The following KATNAL1 variants were observed in gnomAD, a reference collection of about 807,000 sequenced individuals.
KATNAL1 encodes the protein katanin catalytic subunit A1 like 1.
KATNAL1 carries 32 observed loss-of-function variants against 55.2 expected under a neutral mutation model. That is an observed-to-expected ratio of 0.58 (90% CI 0.44 to 0.78). The LOEUF (loss-of-function observed/expected upper bound fraction) is 0.78, where lower values mean the gene tolerates loss of function less well. Among genes scored for constraint, KATNAL1 ranks in the 30% least tolerant of loss-of-function variants. The pLI is 0.00. For synonymous variants in KATNAL1, 193 were observed against 193.6 expected (o/e 1.00, Z 0.02); for missense variants, 466 against 600.9 (o/e 0.78, Z 2.35).
chr13:30,228,829 T>C (rs1426405003), intron 8 of KATNAL1, among the ~76,000 whole-genome samples: 2 of 152,262 alleles, frequency 1.3e-5, no homozygotes, highest in East Asian at 3.8e-4. Context: ...TACAGCTCGC[T>C]GTGGCCTCAA....
At chr13:30,213,768 G>A (rs973019402) in intron 9 of KATNAL1, among the ~76,000 whole-genome samples, 64 of 152,126 alleles carry the variant, frequency 4.2e-4, no homozygotes, top group African/African-American at 1.4e-3. Flanking sequence ...TTGATGGGAC[G>A]TATCTCAAAA....
rs1018013327 is a variant in KATNAL1 at position 30,204,628 on chromosome 13, T to C, written c.*3912A>G. The C allele has an allele frequency of 3.9e-5, 6 of 152,212 alleles. No individual in the cohort carries two copies. Among genetic ancestry groups the C allele is most frequent in the African/African-American group, 1.4e-4 (6 of 41,456 alleles). 9.4% of individuals were successfully genotyped at this position (152,212 alleles called of 1,614,324 possible). On this transcript the variant is annotated 3_prime_UTR_variant, in exon 11 of 11. Coordinates refer to ENST00000380615, the MANE Select transcript of KATNAL1 (RefSeq NM_032116.5). ...ACAAAACAAAGTCAAAGAATGACAA[T>C]CATACTGTAAATTTGGGTTGTACAC...
At chr13:30,229,501 T>C (rs1250349636) in intron 8 of KATNAL1, among the ~76,000 whole-genome samples, 1 of 152,074 alleles carries the variant, frequency 6.6e-6, no homozygotes, top group Non-Finnish European at 1.5e-5. Context: ...CAGAGGATCA[T>C]CTCAGCTCAA....
At chr13:30,224,072 C>T (rs1017095052) in intron 9 of KATNAL1, among the ~76,000 whole-genome samples, 4 of 152,040 alleles carry the variant, frequency 2.6e-5, no homozygotes, top group Admixed American at 6.6e-5. Flanking sequence ...AATTATTTGG[C>T]TCCCAAACCA....
chr13:30,238,012 A>G (rs769263075), intron 6 of KATNAL1, among the ~76,000 whole-genome samples: 14 of 152,186 alleles, frequency 9.2e-5, no homozygotes, highest in Admixed American at 3.9e-4. Context: ...TTGAATTTTA[A>G]GCCTAAACTA....
intron 10 of KATNAL1, among the ~76,000 whole-genome samples, chr13:30,209,312 A>C (rs577764756): frequency 6.6e-6 from 1 of 152,344 alleles, no homozygotes; most frequent in East Asian, 1.9e-4. Context: ...GTCTGGAAGA[A>C]AAGGATAATT....
chr13:30,303,308 T>C (rs1882977495), intron 1 of KATNAL1, among the ~76,000 whole-genome samples: 1 of 152,270 alleles, frequency 6.6e-6, no homozygotes, highest in Non-Finnish European at 1.5e-5. Flanking sequence ...TGAATTTATC[T>C]GGCAAATGCC....
chr13:30,253,083 G>A (rs1306697714), intron 4 of KATNAL1, among the ~76,000 whole-genome samples: 2 of 152,154 alleles, frequency 1.3e-5, no homozygotes, highest in Non-Finnish European at 2.9e-5. Flanking sequence ...TAGCAGAAGT[G>A]GGTATCTATT....
chr13:30,281,122 C>CAAA (rs1263107106), intron 2 of KATNAL1, among the ~76,000 whole-genome samples: 13,295 of 59,002 alleles, frequency 0.23, 1,090 homozygotes, highest in African/African-American at 0.32. Context: ...GAATCCATGT[C>CAAA]AAAAAAAAAA....
intron 3 of KATNAL1, among the ~76,000 whole-genome samples, chr13:30,265,930 T>C (rs1842782645): frequency 6.8e-6 from 1 of 147,550 alleles, no homozygotes; most frequent in African/African-American, 2.5e-5. Context: ...GAGAATTGCT[T>C]GAACCCAGGA....
intron 3 of KATNAL1, among the ~76,000 whole-genome samples, chr13:30,258,536 T>C (rs1413221154): frequency 6.6e-6 from 1 of 152,216 alleles, no homozygotes; most frequent in Non-Finnish European, 1.5e-5. Context: ...CTTAATGGTA[T>C]CTTTCTTGAT....
chr13:30,206,302 T>TAAAAC lies in KATNAL1; in HGVS notation c.*2237_*2238insGTTTT, dbSNP rs1278181308. On this transcript the variant is annotated 3_prime_UTR_variant, in exon 11 of 11. Transcript: ENST00000380615. ...TCTCAAAATAAATAAATAAATAAAA[T>TAAAAC]AAAATAAAATAAAAGTTAAATAGAA... is the stretch of plus-strand genomic sequence containing the variant. 2 of 151,264 alleles carry TAAAAC rather than the reference T, an allele frequency of 1.3e-5. No individual in the cohort carries two copies. The highest frequency in any genetic ancestry group is 2.9e-5 in the Non-Finnish European group (2 of 67,822). The allele number at this position is 151,264 out of a possible 1,614,324, so 9.4% of individuals were successfully genotyped here.
At chr13:30,259,816 A>G (rs1342105561) in intron 3 of KATNAL1, among the ~76,000 whole-genome samples, 2 of 152,232 alleles carry the variant, frequency 1.3e-5, no homozygotes, top group Non-Finnish European at 2.9e-5. Flanking sequence ...ACCATTGCCC[A>G]GGCTTGCTTA....
intron 2 of KATNAL1, among the ~76,000 whole-genome samples, chr13:30,280,530 A>G (rs1881203424): frequency 6.6e-6 from 1 of 152,230 alleles, no homozygotes; most frequent in South Asian, 2.1e-4. Context: ...GTAGGTAACA[A>G]GTTAAACATT....
rs543321104 is a variant in KATNAL1 at position 30,223,299 on chromosome 13, G to A, written c.1147+4113C>T. Among the ~76,000 whole-genome samples the A allele has an allele frequency of 3.7e-4, 54 of 147,630 alleles. 1 individual carries two copies. The East Asian group carries it at 8.6e-3, about 24-fold the overall frequency. ...CTACTAAAAATACAAAAAATTAGCC[G>A]GGAATGGTGGCAGGCGCCTGTGGTC... On this transcript the variant is annotated intron_variant, in intron 9 of 10. Transcript: ENST00000380615.
At chr13:30,299,360 G>T (rs1274731451) in intron 1 of KATNAL1, among the ~76,000 whole-genome samples, 1 of 151,914 alleles carries the variant, frequency 6.6e-6, no homozygotes, top group Non-Finnish European at 1.5e-5. Context: ...AATTAAATGT[G>T]ATCATATGTT....
chr13:30,229,519 A>G (rs1164094051), intron 8 of KATNAL1, among the ~76,000 whole-genome samples: 3 of 152,142 alleles, frequency 2.0e-5, no homozygotes, highest in African/African-American at 7.2e-5. Context: ...CAAGAGTTCA[A>G]CTACAGCCTG....
Position 30,227,408 on chromosome 13 carries a change from A to C in KATNAL1, c.1147+4T>G, listed in dbSNP as rs115006304. 6 of 1,612,964 alleles carry C rather than the reference A, an allele frequency of 3.7e-6. No individual in the cohort carries two copies. In the South Asian group the frequency reaches 6.6e-5, roughly 18 times the overall value. ...GAAAGCTCAAAATAGAGAAGACATC[A>C]TACCTGTTGGGAGAGGTATATATAT... On this transcript the variant is annotated splice_donor_region_variant and intron_variant, in intron 9 of 10. Coordinates refer to ENST00000380615, the MANE Select transcript of KATNAL1 (RefSeq NM_032116.5).
intron 5 of KATNAL1, 122 bp downstream of exon 5, chr13:30,240,837 C>T: frequency 1.1e-6 from 1 of 925,620 alleles, no homozygotes; most frequent in Admixed American, 2.7e-5. Context: ...CAATTCTATA[C>T]TTTCATATTA....
Sources: gnomAD v4.1 joint callset for allele counts (sites outside exome capture counted in the v4.1 genomes callset) on GRCh38, gnomAD v4.1.1 for gene constraint, MANE v1.5 for transcripts, NCBI Gene and HGNC (gene_info 2026-07-23, HGNC 2026-07-21) for gene names.